The following CASK variants were observed in gnomAD, a reference collection of about 807,000 sequenced individuals.
CASK encodes calcium/calmodulin dependent serine protein kinase, also known as peripheral plasma membrane protein CASK.
CASK carries 4 observed loss-of-function variants against 82.9 expected under a neutral mutation model. The ratio of observed to expected loss-of-function variants is 0.05; its 90% CI spans 0.02 to 0.11. CASK has a LOEUF of 0.11. CASK is among the 10% of genes least tolerant of loss of function. The pLI is 1.00. For missense variants in CASK, 358 were observed against 720.9 expected, an observed-to-expected ratio of 0.50 and a Z score of 5.76; for synonymous variants, 259 against 253.5, an observed-to-expected ratio of 1.02 and a Z score of -0.20.
chrX:41,733,230 G>A (rs1247022536), intron 5 of CASK, among the ~76,000 whole-genome samples: 1 of 108,179 alleles, frequency 9.2e-6, no homozygotes, highest in Non-Finnish European at 1.9e-5. Context: ...TGTTGCTCAG[G>A]CTGAGAAACT....
At chrX:41,590,951 A>C (rs1390433953) in intron 12 of CASK, among the ~76,000 whole-genome samples, 2 of 112,372 alleles carry the variant, frequency 1.8e-5, no homozygotes, top group African/African-American at 6.4e-5. Flanking sequence ...TAACAAAAGC[A>C]ATGTGAAGAT....
chrX:41,846,469 A>G (rs1329307330), intron 2 of CASK, among the ~76,000 whole-genome samples: 1 of 110,294 alleles, frequency 9.1e-6, no homozygotes, highest in African/African-American at 3.3e-5. Flanking sequence ...GGTTGGGGAA[A>G]GTAGGGATGG....
chrX:41,659,310 C>T (rs1197803375), intron 8 of CASK, among the ~76,000 whole-genome samples: 4 of 109,852 alleles, frequency 3.6e-5, no homozygotes, highest in Admixed American at 1.9e-4. Context: ...TCACTGCAAC[C>T]TCTGCCTCCC....
intron 20 of CASK, among the ~76,000 whole-genome samples, chrX:41,554,219 T>C (rs182659762): frequency 8.9e-6 from 1 of 112,428 alleles, no homozygotes; most frequent in East Asian, 2.8e-4. Context: ...CCTCTAATTA[T>C]AGAAAAGTAT....
chrX:41,593,804 C>T (rs1407555027), intron 12 of CASK, among the ~76,000 whole-genome samples: 1 of 112,204 alleles, frequency 8.9e-6, no homozygotes, highest in Non-Finnish European at 1.9e-5. Flanking sequence ...GAAAAAAGTT[C>T]GAATGCGATG....
chrX:41,861,793 A>G (rs1283403894), intron 1 of CASK, among the ~76,000 whole-genome samples: 3 of 102,528 alleles, frequency 2.9e-5, no homozygotes, highest in African/African-American at 7.0e-5. Context: ...TTACATGTAT[A>G]TATGTATATA....
chrX:41,922,033 C>T (rs1323416122), intron 1 of CASK, among the ~76,000 whole-genome samples: 2 of 111,776 alleles, frequency 1.8e-5, no homozygotes, highest in African/African-American at 6.5e-5. Flanking sequence ...ATTTCCTTCA[C>T]AAGCAAATTA....
intron 1 of CASK, among the ~76,000 whole-genome samples, chrX:41,869,239 C>T (rs967332609): frequency 1.8e-5 from 2 of 111,537 alleles, no homozygotes; most frequent in South Asian, 7.6e-4. Context: ...TACCTACAGT[C>T]CATTTGATAA....
intron 1 of CASK, among the ~76,000 whole-genome samples, chrX:41,859,344 A>G (rs1412953440): frequency 1.8e-5 from 2 of 111,931 alleles, no homozygotes; most frequent in African/African-American, 6.5e-5. Flanking sequence ...TGCAGAGTGC[A>G]TGTCTGTAAA....
chrX:41,550,763 T>A (rs1191906230), intron 21 of CASK, among the ~76,000 whole-genome samples: 1 of 108,069 alleles, frequency 9.3e-6, no homozygotes, highest in African/African-American at 3.4e-5. Flanking sequence ...AGAAAAAAAT[T>A]AGCTGGGTGT....
At chrX:41,719,711 C>T (rs1283199923) in intron 5 of CASK, among the ~76,000 whole-genome samples, 3 of 111,829 alleles carry the variant, frequency 2.7e-5, no homozygotes, top group Non-Finnish European at 3.8e-5. Flanking sequence ...GGAACGGGAC[C>T]TCGCATTCTG....
At chrX:41,529,583 C>T (rs1043318116) in intron 25 of CASK, 3 of 113,686 alleles carry the variant, frequency 2.6e-5, no homozygotes, top group South Asian at 3.4e-4. Context: ...GAGAGGATGT[C>T]GAAGACCAGG....
At chrX:41,834,094 A>G (rs1237818249) in intron 2 of CASK, among the ~76,000 whole-genome samples, 4 of 112,265 alleles carry the variant, frequency 3.6e-5, no homozygotes, top group Non-Finnish European at 7.5e-5. Flanking sequence ...TCATCCATCA[A>G]TTTTGTTGAA....
intron 2 of CASK, among the ~76,000 whole-genome samples, chrX:41,788,577 T>A (rs1296081652): frequency 9.0e-6 from 1 of 111,719 alleles, no homozygotes; most frequent in Non-Finnish European, 1.9e-5. Context: ...AGAGCAATGA[T>A]CGTAGATGGA....
intron 2 of CASK, among the ~76,000 whole-genome samples, chrX:41,797,314 C>G (rs192956217): frequency 9.1e-6 from 1 of 110,090 alleles, no homozygotes; most frequent in African/African-American, 3.3e-5. Context: ...GCTTCCTTCT[C>G]TGCCTGGTAA....
At chrX:41,658,483 G>A (rs1157734829) in intron 8 of CASK, among the ~76,000 whole-genome samples, 2 of 112,244 alleles carry the variant, frequency 1.8e-5, no homozygotes, top group African/African-American at 6.5e-5. Flanking sequence ...TTGCTTGTTG[G>A]TGGGAAGAAA....
intron 5 of CASK, among the ~76,000 whole-genome samples, chrX:41,735,566 ATTTT>A (rs763684706): frequency 9.8e-6 from 1 of 101,641 alleles, no homozygotes; most frequent in African/African-American, 3.6e-5. Flanking sequence ...AATCTAACTA[ATTTT>A]TTTTTTTTTT....
intron 3 of CASK, among the ~76,000 whole-genome samples, chrX:41,747,525 G>A (rs1398399093): frequency 9.0e-6 from 1 of 111,096 alleles, no homozygotes; most frequent in Non-Finnish European, 1.9e-5. Context: ...TGCGAGCTCC[G>A]CCTCCTGGGT....
chrX:41,603,733 G>A (rs1288090727), intron 12 of CASK, among the ~76,000 whole-genome samples: 1 of 111,709 alleles, frequency 9.0e-6, no homozygotes, highest in African/African-American at 3.3e-5. Context: ...CATTTACTAT[G>A]GAAACAGCAG....
Sources: gnomAD v4.1 joint callset for allele counts (sites outside exome capture counted in the v4.1 genomes callset) on GRCh38, gnomAD v4.1.1 for gene constraint, MANE v1.5 for transcripts, NCBI Gene and HGNC (gene_info 2026-07-23, HGNC 2026-07-21) for gene names.